TRRAP: variants seen among roughly 807,000 people sequenced by gnomAD.
The protein encoded by TRRAP is transformation/transcription domain-associated protein.
A neutral mutation model predicts 438.8 loss-of-function variants in TRRAP; 41 were observed. The observed-to-expected ratio is 0.09, with a 90% CI of 0.07 to 0.12. The LOEUF (loss-of-function observed/expected upper bound fraction) is 0.12. TRRAP is among the 10% of genes least tolerant of loss of function. The pLI, the probability that TRRAP is intolerant of heterozygous loss-of-function variation, is 1.00. For missense variants in TRRAP, 3,122 were observed against 5,055.1 expected, an observed-to-expected ratio of 0.62 and a Z score of 11.60; for synonymous variants, 1,994 against 1,962.9, an observed-to-expected ratio of 1.02 and a Z score of -0.42.
rs368079489 is a variant in TRRAP, at chr7:98,978,233, C to T, written c.8408C>T (p.Ala2803Val). The T allele has an allele frequency of 6.2e-7, 1 of 1,613,860 alleles. No homozygotes were observed. Among genetic ancestry groups the T allele is most frequent in the African/African-American group, 1.3e-5 (1 of 74,912 alleles). The change falls in exon 57 of 73, where the codon GCA (alanine) becomes GTA (valine). Residue 2803 changes from alanine (A) to valine (V), a missense_variant. This residue lies in a region of TRRAP where 992 missense variants were observed against 1,281.2 expected (regional missense o/e 0.77). Coordinates refer to ENST00000456197, the MANE Select transcript of TRRAP (RefSeq NM_001375524.1). Reference protein sequence around the residue: ...FEQAQESYEKAMDKAKKEHER... With the variant: ...FEQAQESYEKVMDKAKKEHER... ...TAGGCACAAGAATCCTATGAAAAGGCAATGGATAAAGCCAAAAAAGAACAT... is the reference window on the plus strand; with the variant it reads ...TAGGCACAAGAATCCTATGAAAAGGTAATGGATAAAGCCAAAAAAGAACAT...
At chr7:98,985,088 A>G in intron 62 of TRRAP, 44 bp downstream of exon 62, 1 of 1,372,440 alleles carries the variant, frequency 7.3e-7, no homozygotes, top group African/African-American at 1.4e-5. Flanking sequence ...AATGCATCAG[A>G]TTATTTAAAG....
rs782742026 is a variant in TRRAP, at chr7:98,945,961, G to A, written c.4548+11G>A. On this transcript the variant is annotated intron_variant, in intron 33 of 72. Transcript: ENST00000456197. ...ATGGAAGGGGTAGAGGTGAGAACTTGAGCGGAGCTACAGGAGGGGGTTGTT... is the reference window on the plus strand; with the variant it reads ...ATGGAAGGGGTAGAGGTGAGAACTTAAGCGGAGCTACAGGAGGGGGTTGTT... 2.7e-5 allele frequency: 40 copies of A among 1,456,254 alleles called. No homozygotes were observed. In the South Asian group the frequency reaches 4.3e-4, roughly 16 times the overall value. 90.2% of individuals were successfully genotyped at this position (1,456,254 alleles called of 1,614,324 possible). A position where few individuals can be genotyped will look rare whatever the true frequency, so the allele number is the denominator to read the frequency against.
intron 3 of TRRAP, among the ~76,000 whole-genome samples, chr7:98,887,729 C>CA (rs34834746): frequency 0.11 from 9,824 of 88,530 alleles, 815 homozygotes; most frequent in East Asian, 0.27. Context: ...AACTCCGTCT[C>CA]AAAAAAAAAA....
At chr7:98,997,669 A>G (rs1346931772) in intron 67 of TRRAP, among the ~76,000 whole-genome samples, 1 of 152,114 alleles carries the variant, frequency 6.6e-6, no homozygotes, top group Non-Finnish European at 1.5e-5. Flanking sequence ...CTCCTAGTCC[A>G]GCAGAGGAAA....
At chr7:99,010,397 C>G (rs573143297) in intron 70 of TRRAP, among the ~76,000 whole-genome samples, 1 of 152,178 alleles carries the variant, frequency 6.6e-6, no homozygotes, top group Non-Finnish European at 1.5e-5. Context: ...CTGCATGTGT[C>G]GCCGGTGGCC....
rs1791430427 is a variant in TRRAP, at chr7:98,953,254, C to A, written c.5551C>A (p.Pro1851Thr). The change falls in exon 40 of 73, where the codon CCC (proline) becomes ACC (threonine). Residue 1851 changes from proline to threonine, a missense_variant. By Grantham distance (38) the Pro-to-Thr change is conservative. This residue lies in a region of TRRAP where 272 missense variants were observed against 348.5 expected (regional missense o/e 0.78). Transcript: ENST00000456197. The stretch of plus-strand genomic sequence containing the variant: ...CGCCACGCTGCTGGTGGAGCACGCC[C>A]CCCACCACATCCATGACAACAACAA... The part of the protein sequence containing the change: ...QYATLLVEHA[P>T]HHIHDNNKNR... 10 of 1,613,720 alleles carry A rather than the reference C, an allele frequency of 6.2e-6. No individual in the cohort carries two copies. The highest frequency in any genetic ancestry group is 1.1e-5 in the South Asian group (1 of 91,054).
chr7:98,966,711 A>G (rs1792175212), intron 49 of TRRAP, among the ~76,000 whole-genome samples: 1 of 152,118 alleles, frequency 6.6e-6, no homozygotes, highest in Non-Finnish European at 1.5e-5. Context: ...TGTTAAATGA[A>G]CCTTGTTAAC....
intron 67 of TRRAP, among the ~76,000 whole-genome samples, chr7:99,002,737 C>T (rs1793989117): frequency 6.6e-6 from 1 of 152,126 alleles, no homozygotes; most frequent in Non-Finnish European, 1.5e-5. Flanking sequence ...AAAAAACACA[C>T]ACACACAAAA....
At chr7:98,966,122 C>T (rs1031183745) in intron 49 of TRRAP, among the ~76,000 whole-genome samples, 12 of 152,010 alleles carry the variant, frequency 7.9e-5, no homozygotes, top group East Asian at 3.9e-4. Context: ...CTGGCTAACA[C>T]GGTGAAACCC....
chr7:98,925,429 AAGG>A (rs1790003732), intron 22 of TRRAP, among the ~76,000 whole-genome samples, 166 bp downstream of exon 22: 1 of 152,182 alleles, frequency 6.6e-6, no homozygotes. Flanking sequence ...AGAAAATGGA[AAGG>A]AGAACTGGGT....
At chr7:98,889,443 C>T (rs1343636802) in intron 3 of TRRAP, among the ~76,000 whole-genome samples, 3 of 152,074 alleles carry the variant, frequency 2.0e-5, no homozygotes, top group Non-Finnish European at 4.4e-5. Context: ...AATAATATCC[C>T]CAGAGTTTAG....
chr7:98,968,381 T>G (rs1425391745), intron 51 of TRRAP, among the ~76,000 whole-genome samples: 1 of 152,188 alleles, frequency 6.6e-6, no homozygotes, highest in African/African-American at 2.4e-5. Flanking sequence ...GCTGTCGGTT[T>G]TGGTTCCTTA....
Position 98,981,750 on chromosome 7 carries a change from C to T in TRRAP, c.8635-19C>T. On this transcript the variant is annotated intron_variant, in intron 58 of 72. Coordinates refer to ENST00000456197, the MANE Select transcript of TRRAP (RefSeq NM_001375524.1). ...AAAGAAGGCCCCTCACGTCCTGTGT[C>T]ACGTTCTTTCACTGCCAGGTGGAAG... The T allele has an allele frequency of 6.3e-7, 1 of 1,591,862 alleles. No individual in the cohort carries two copies. The highest frequency in any genetic ancestry group is 1.2e-5 in the South Asian group (1 of 86,896).
At chr7:98,988,715 C>G in intron 62 of TRRAP, 50 bp from the exon 63 acceptor site, 1 of 1,591,612 alleles carries the variant, frequency 6.3e-7, no homozygotes, top group Non-Finnish European at 8.6e-7. Context: ...TTACGTGAAG[C>G]TCGCTTCAAT....
intron 65 of TRRAP, among the ~76,000 whole-genome samples, chr7:98,992,560 C>CGTGTGTGT (rs72517544): frequency 1.0e-4 from 15 of 149,124 alleles, no homozygotes; most frequent in African/African-American, 2.7e-4. Context: ...TGCCAGCTGC[C>CGTGTGTGT]GTGTGTGTGT....
intron 20 of TRRAP, among the ~76,000 whole-genome samples, chr7:98,920,518 T>C (rs1789735673): frequency 6.6e-6 from 1 of 151,866 alleles, no homozygotes; most frequent in African/African-American, 2.4e-5. Context: ...TGACCTGTAG[T>C]AATTTTTAGG....
chr7:98,974,590 G>A (rs1459477779), intron 53 of TRRAP, among the ~76,000 whole-genome samples: 2 of 152,202 alleles, frequency 1.3e-5, no homozygotes, highest in African/African-American at 2.4e-5. Context: ...GGAGCGGACT[G>A]TAATCCTGAG....
intron 56 of TRRAP, 35 bp from the exon 57 acceptor site, chr7:98,978,172 CTAGT>C: frequency 6.6e-7 from 1 of 1,516,418 alleles, no homozygotes; most frequent in Non-Finnish European, 9.1e-7. Flanking sequence ...AGGTGTGTTT[CTAGT>C]TAAACAGTGA....
At chr7:98,940,561 C>G (rs190743674) in intron 30 of TRRAP, among the ~76,000 whole-genome samples, 200 of 152,194 alleles carry the variant, frequency 1.3e-3, no homozygotes, top group African/African-American at 4.2e-3. Context: ...AGACAGCTGC[C>G]TTAATGTCTG....
Sources: allele counts gnomAD v4.1 joint callset (sites outside exome capture counted in the v4.1 genomes callset), GRCh38; gene constraint gnomAD v4.1.1; regional missense constraint gnomAD v4.1.1; transcripts MANE v1.5; gene names NCBI Gene and HGNC (gene_info 2026-07-23, HGNC 2026-07-21).